The following MACROD2 variants were observed in gnomAD, a reference collection of about 807,000 sequenced individuals.
MACROD2 encodes the protein ADP-ribose glycohydrolase MACROD2.
Under a neutral mutation model 70.4 loss-of-function variants are expected in MACROD2, and 36 were observed. That is an observed-to-expected ratio of 0.51 (90% confidence interval 0.39 to 0.68). The LOEUF is 0.68. Ranked by LOEUF, MACROD2 falls within the 30% of genes least tolerant of loss-of-function variation. MACROD2 has a pLI of 0.00. For missense variants in MACROD2, 496 were observed against 538.4 expected (o/e 0.92, Z 0.78); for synonymous variants, 172 against 178.8 (o/e 0.96, Z 0.30).
At chr20:15,232,271 G>A (rs958810299) in intron 6 of MACROD2, among the ~76,000 whole-genome samples, 50 of 152,062 alleles carry the variant, frequency 3.3e-4, no homozygotes, top group African/African-American at 1.1e-3. Context: ...CTTGTATTTT[G>A]TCAACTTATC....
intron 8 of MACROD2, among the ~76,000 whole-genome samples, chr20:15,848,630 A>G (rs1299681754): frequency 6.6e-6 from 1 of 152,188 alleles, no homozygotes; most frequent in Non-Finnish European, 1.5e-5. Context: ...TGTGAGTTCA[A>G]TTTTCAAAAT....
intron 3 of MACROD2, among the ~76,000 whole-genome samples, chr20:14,239,313 G>C (rs1335983825): frequency 6.6e-6 from 1 of 152,158 alleles, no homozygotes; most frequent in South Asian, 2.1e-4. Flanking sequence ...GCAATTTACA[G>C]ATTCAATGCT....
chr20:14,196,825 C>A (rs1486295206), intron 3 of MACROD2, among the ~76,000 whole-genome samples: 1 of 152,158 alleles, frequency 6.6e-6, no homozygotes, highest in African/African-American at 2.4e-5. Flanking sequence ...CTTAGTTTTA[C>A]ATAATAAAGC....
At chr20:15,935,554 A>G (rs544069690) in intron 11 of MACROD2, among the ~76,000 whole-genome samples, 3 of 152,224 alleles carry the variant, frequency 2.0e-5, no homozygotes, top group Admixed American at 1.3e-4. Flanking sequence ...TTTTGATTAT[A>G]TAGCTCTGCA....
intron 3 of MACROD2, among the ~76,000 whole-genome samples, chr20:14,435,375 A>G (rs58080104): frequency 0.011 from 1,705 of 152,248 alleles, 33 homozygotes; most frequent in African/African-American, 0.039. Flanking sequence ...CCTTTTTCCA[A>G]TTAAACTGCC....
intron 8 of MACROD2, among the ~76,000 whole-genome samples, chr20:15,549,076 T>C (rs1449381021): frequency 6.6e-6 from 1 of 152,208 alleles, no homozygotes; most frequent in Admixed American, 6.5e-5. Context: ...CCTGAATCCA[T>C]CATCCTCAAA....
intron 3 of MACROD2, among the ~76,000 whole-genome samples, chr20:14,170,455 C>T (rs1335154641): frequency 1.3e-5 from 2 of 152,008 alleles, no homozygotes; most frequent in African/African-American, 4.8e-5. Flanking sequence ...AAGTTTTCCC[C>T]ATTCAGTATA....
At chr20:14,958,110 A>G (rs1029148570) in intron 5 of MACROD2, among the ~76,000 whole-genome samples, 2 of 152,180 alleles carry the variant, frequency 1.3e-5, no homozygotes, top group African/African-American at 4.8e-5. Flanking sequence ...CTCTTGTTGA[A>G]GTTGAAGTTG....
chr20:15,868,869 G>A (rs934913255), intron 9 of MACROD2, among the ~76,000 whole-genome samples: 3 of 151,818 alleles, frequency 2.0e-5, no homozygotes, highest in African/African-American at 4.8e-5. Flanking sequence ...CTGCAGCCTC[G>A]AACTTCTGGG....
At chr20:15,323,710 T>C (rs1349532428) in intron 6 of MACROD2, among the ~76,000 whole-genome samples, 1 of 152,198 alleles carries the variant, frequency 6.6e-6, no homozygotes, top group Non-Finnish European at 1.5e-5. Context: ...CTACTTCTTG[T>C]GTATTTTTAT....
intron 5 of MACROD2, among the ~76,000 whole-genome samples, chr20:15,063,969 A>G (rs1426952892): frequency 1.3e-5 from 2 of 152,110 alleles, no homozygotes; most frequent in Non-Finnish European, 2.9e-5. Flanking sequence ...TAGTCCCCAC[A>G]TGTTTTCGTT....
At chr20:15,354,460 C>A (rs1047980692) in intron 6 of MACROD2, among the ~76,000 whole-genome samples, 1 of 152,114 alleles carries the variant, frequency 6.6e-6, no homozygotes, top group Non-Finnish European at 1.5e-5. Flanking sequence ...TGTAACAAAC[C>A]TGCACATTGT....
intron 13 of MACROD2, among the ~76,000 whole-genome samples, chr20:15,985,039 C>A (rs1267993826): frequency 6.6e-6 from 1 of 152,134 alleles, no homozygotes; most frequent in African/African-American, 2.4e-5. Context: ...CCTGTCCAGG[C>A]TTCCTTCTGA....
At chr20:15,091,008 C>G (rs560364479) in intron 5 of MACROD2, among the ~76,000 whole-genome samples, 17 of 152,034 alleles carry the variant, frequency 1.1e-4, no homozygotes, top group South Asian at 1.0e-3. Flanking sequence ...CAAGTATTGA[C>G]CTTCCCTCCC....
chr20:14,622,292 A>G (rs1231387150), intron 4 of MACROD2, among the ~76,000 whole-genome samples: 1 of 152,096 alleles, frequency 6.6e-6, no homozygotes, highest in Non-Finnish European at 1.5e-5. Context: ...TCCGTTAAGT[A>G]GGTCAAGGGG....
intron 3 of MACROD2, among the ~76,000 whole-genome samples, chr20:14,432,949 A>G (rs2084011540): frequency 6.6e-6 from 1 of 152,116 alleles, no homozygotes; most frequent in African/African-American, 2.4e-5. Flanking sequence ...TTTTATGCAT[A>G]CAAATTTGTA....
intron 6 of MACROD2, among the ~76,000 whole-genome samples, chr20:15,286,789 C>T (rs16995502): frequency 0.031 from 4,700 of 152,176 alleles, 254 homozygotes; most frequent in African/African-American, 0.11. Flanking sequence ...TCTGGTGGCC[C>T]AGAGTACTGA....
intron 3 of MACROD2, among the ~76,000 whole-genome samples, chr20:14,273,370 T>G (rs2082216481): frequency 6.6e-6 from 1 of 151,000 alleles, no homozygotes; most frequent in African/African-American, 2.4e-5. Flanking sequence ...ACATGGAAAC[T>G]GAACAACCTG....
intron 5 of MACROD2, among the ~76,000 whole-genome samples, chr20:15,101,767 G>A (rs908002199): frequency 2.0e-5 from 3 of 151,726 alleles, no homozygotes; most frequent in African/African-American, 7.3e-5. Context: ...TATAATCTTA[G>A]AAGATTATAA....
Sources: allele counts gnomAD v4.1 joint callset (sites outside exome capture counted in the v4.1 genomes callset), GRCh38; gene constraint gnomAD v4.1.1; transcripts MANE v1.5; gene names NCBI Gene and HGNC (gene_info 2026-07-23, HGNC 2026-07-21).